The following ABCB5 variants were observed in gnomAD, a reference collection of about 807,000 sequenced individuals.
ABCB5 encodes ATP binding cassette subfamily B member 5.
A neutral mutation model predicts 144.2 loss-of-function variants in ABCB5; 155 were observed. That is an observed-to-expected ratio of 1.08 (90% CI 0.94 to 1.23). The LOEUF is 1.23. Among genes scored for constraint, ABCB5 ranks in the 50% most tolerant of loss-of-function variants. The pLI is 0.00. For synonymous variants in ABCB5, 610 were observed against 528.6 expected (o/e 1.15, Z -2.11); for missense variants, 1,830 against 1,520.8 (o/e 1.20, Z -3.38).
chr7:20,713,968 T>G (rs1781584904), intron 20 of ABCB5, among the ~76,000 whole-genome samples: 1 of 152,118 alleles, frequency 6.6e-6, no homozygotes, highest in African/African-American at 2.4e-5. Flanking sequence ...CAACTCAGAG[T>G]CTATTGGGCT....
chr7:20,688,339 T>C (rs1461009034), intron 16 of ABCB5, among the ~76,000 whole-genome samples: 8 of 152,140 alleles, frequency 5.3e-5, no homozygotes, highest in Non-Finnish European at 1.2e-4. Flanking sequence ...AAGCACACAA[T>C]GAAAGAGAAA....
chr7:20,628,761 G>A lies in ABCB5; in HGVS notation c.182G>A (p.Cys61Tyr), dbSNP rs1783965376. The change falls in exon 4 of 28, where the codon TGC becomes TAC. Residue 61 changes from cysteine to tyrosine, a missense_variant. Coordinates refer to ENST00000404938, the MANE Select transcript of ABCB5 (RefSeq NM_001163941.2). ...GILASLVNGA[C>Y]LPLMPLVLGE... ...CTGGCATCACTGGTCAATGGAGCCT[G>A]CCTTCCTTTAATGCCACTGGTTTTA... 6.2e-7 allele frequency: 1 copy of A among 1,613,632 alleles called. No homozygotes were observed. The highest frequency in any genetic ancestry group is 8.5e-7 in the Non-Finnish European group (1 of 1,179,774).
chr7:20,741,084 CAG>C (rs1782547036), intron 24 of ABCB5, among the ~76,000 whole-genome samples: 1 of 136,098 alleles, frequency 7.3e-6, no homozygotes, highest in Non-Finnish European at 1.5e-5. Flanking sequence ...GCCTGGGTGA[CAG>C]AGCGAGACTC....
intron 16 of ABCB5, 144 bp from the exon 17 acceptor site, chr7:20,698,263 G>A: frequency 1.5e-6 from 1 of 658,678 alleles, no homozygotes; most frequent in Non-Finnish European, 2.3e-6. Context: ...TACGGGCAGT[G>A]AATTTTTTAA....
intron 24 of ABCB5, among the ~76,000 whole-genome samples, chr7:20,742,064 A>G (rs1443107884): frequency 6.6e-6 from 1 of 152,188 alleles, no homozygotes; most frequent in African/African-American, 2.4e-5. Context: ...GTCACTGCCA[A>G]ATAATGGTCA....
rs535340115 is a variant in ABCB5, at chr7:20,715,699, C to G, written c.2422-7317C>G. The stretch of plus-strand genomic sequence containing the variant: ...TGCTGGGATTATAAGTATGAGCCAC[C>G]GCACCCAGCCTAGAGCGAGCTATAA... On this transcript the variant is annotated intron_variant, in intron 20 of 27. Transcript: ENST00000404938. Among the ~76,000 whole-genome samples, 5 of 151,778 alleles carry G rather than the reference C, an allele frequency of 3.3e-5. No individual in the cohort carries two copies. The South Asian group carries it at 1.0e-3, about 32-fold the overall frequency.
intron 15 of ABCB5, among the ~76,000 whole-genome samples, chr7:20,681,902 A>G (rs774801566): frequency 2.1e-4 from 32 of 152,278 alleles, no homozygotes; most frequent in Non-Finnish European, 4.3e-4. Flanking sequence ...GCACACTTCA[A>G]ATAGGCTTCA....
chr7:20,654,491 G>A (rs1784704843), intron 13 of ABCB5, among the ~76,000 whole-genome samples: 1 of 152,046 alleles, frequency 6.6e-6, no homozygotes, highest in South Asian at 2.1e-4. Context: ...ATACTAACAG[G>A]CAGCTAGATT....
chr7:20,698,255 C>T lies in ABCB5; in HGVS notation c.2011-152C>T, dbSNP rs144760232. ...TGCTTTAGGGTCATCGTTAATAATA[C>T]GGGCAGTGAATTTTTTAAGAAAAAT... On this transcript the variant is annotated intron_variant, in intron 16 of 27. Coordinates refer to ENST00000404938, the MANE Select transcript of ABCB5 (RefSeq NM_001163941.2). 5.4e-5 allele frequency: 31 copies of T among 572,156 alleles called. No individual in the cohort carries two copies. In the East Asian group the frequency reaches 9.3e-4, roughly 17 times the overall value. The allele number at this position is 572,156 out of a possible 1,614,324, so 35.4% of individuals were successfully genotyped here. A position where few individuals can be genotyped will look rare whatever the true frequency, so the allele number is the denominator to read the frequency against.
At chr7:20,700,002 A>G (rs1368908345) in intron 18 of ABCB5, 56 bp from the exon 19 acceptor site, 9 of 1,598,252 alleles carry the variant, frequency 5.6e-6, no homozygotes, top group Non-Finnish European at 7.7e-6. Context: ...TTAAAAATAT[A>G]TCAACTAAAT....
At chr7:20,685,617 C>G (rs1785967312) in intron 15 of ABCB5, 79 bp from the exon 16 acceptor site, 1 of 1,317,732 alleles carries the variant, frequency 7.6e-7, no homozygotes. Flanking sequence ...GCGATAACAG[C>G]TTTAAAGAGA....
At chr7:20,659,234 A>G in intron 14 of ABCB5, 1 of 1,557,752 alleles carries the variant, frequency 6.4e-7, no homozygotes, top group South Asian at 1.2e-5. Context: ...GCCCTGCACC[A>G]AATTACACTG....
At chr7:20,726,820 A>G (rs116562408) in intron 21 of ABCB5, among the ~76,000 whole-genome samples, 2,533 of 152,292 alleles carry the variant, frequency 0.017, 58 homozygotes, top group African/African-American at 0.047. Flanking sequence ...AGATCAGTAG[A>G]CTAAATCTCA....
chr7:20,725,142 A>C (rs1440423881), intron 21 of ABCB5, among the ~76,000 whole-genome samples: 1 of 152,260 alleles, frequency 6.6e-6, no homozygotes, highest in Non-Finnish European at 1.5e-5. Context: ...AACTCTAATC[A>C]AATAGTCAAT....
intron 9 of ABCB5, 31 bp from the exon 10 acceptor site, chr7:20,647,504 A>AAGAT: frequency 6.6e-7 from 1 of 1,522,016 alleles, no homozygotes; most frequent in East Asian, 2.4e-5. Flanking sequence ...TAACTGCAGA[A>AAGAT]AGATAAATAT....
chr7:20,745,406 A>G lies in ABCB5; in HGVS notation c.3397A>G (p.Asn1133Asp), dbSNP rs754832451. 14 of 1,614,098 alleles carry G rather than the reference A, an allele frequency of 8.7e-6. No homozygotes were observed. The African/African-American group carries it at 1.7e-4, about 20-fold the overall frequency. Reference protein sequence around the residue: ...DEIKEAANAANIHSFIEGLPE... With the variant: ...DEIKEAANAADIHSFIEGLPE... Reference sequence around the variant, plus strand: ...GATCAAAGAAGCCGCAAATGCAGCAAATATCCATTCTTTTATTGAAGGTCT... The same window carrying G: ...GATCAAAGAAGCCGCAAATGCAGCAGATATCCATTCTTTTATTGAAGGTCT... Residue 1133 changes from asparagine to aspartate, a missense_variant, in exon 26 of 28, where the codon AAT becomes GAT. Asn to Asp is a conservative substitution (Grantham distance 23). Transcript: ENST00000404938.
At chr7:20,685,523 T>C (rs1230775631) in intron 15 of ABCB5, among the ~76,000 whole-genome samples, 173 bp from the exon 16 acceptor site, 1 of 152,236 alleles carries the variant, frequency 6.6e-6, no homozygotes, top group Non-Finnish European at 1.5e-5. Context: ...CATTTTAGTA[T>C]GAGATAGACT....
chr7:20,649,879 T>G (rs1784525153), intron 11 of ABCB5, 143 bp from the exon 12 acceptor site: 1 of 835,840 alleles, frequency 1.2e-6, no homozygotes, highest in Non-Finnish European at 1.8e-6. Flanking sequence ...TTACTACACA[T>G]GTACATGAAA....
At chr7:20,716,858 G>A (rs1473199823) in intron 20 of ABCB5, among the ~76,000 whole-genome samples, 1 of 152,128 alleles carries the variant, frequency 6.6e-6, no homozygotes, top group African/African-American at 2.4e-5. Flanking sequence ...TAGCAATACA[G>A]CTTTCCCTTA....
Sources: allele counts gnomAD v4.1 joint callset (sites outside exome capture counted in the v4.1 genomes callset), GRCh38; gene constraint gnomAD v4.1.1; transcripts MANE v1.5; gene names NCBI Gene and HGNC (gene_info 2026-07-23, HGNC 2026-07-21).